BIVM: variants seen among roughly 807,000 people sequenced by gnomAD.
BIVM encodes basic immunoglobulin-like variable motif-containing protein.
A neutral mutation model predicts 61.4 loss-of-function variants in BIVM; 31 were observed. The ratio of observed to expected loss-of-function variants is 0.51; its 90% confidence interval spans 0.38 to 0.68. The LOEUF (loss-of-function observed/expected upper bound fraction) is 0.68. Among genes scored for constraint, BIVM ranks in the 30% least tolerant of loss-of-function variants. The pLI is 0.00. For synonymous variants in BIVM, 189 were observed against 210.7 expected (o/e 0.90, Z 0.89); for missense variants, 526 against 596.0 (o/e 0.88, Z 1.22).
At chr13:102,819,433 G>A (rs1050020876) in intron 4 of BIVM, among the ~76,000 whole-genome samples, 27 of 152,290 alleles carry the variant, frequency 1.8e-4, no homozygotes, top group African/African-American at 6.5e-4. Context: ...TGACAGTAAG[G>A]TGTTGAAGAC....
intron 9 of BIVM, among the ~76,000 whole-genome samples, chr13:102,838,190 A>T (rs1400270468): frequency 6.6e-6 from 1 of 152,228 alleles, no homozygotes; most frequent in Non-Finnish European, 1.5e-5. Context: ...TGATTTTCCT[A>T]TGTAGACCTT....
chr13:102,823,146 T>A (rs9582635), intron 7 of BIVM, among the ~76,000 whole-genome samples: 6 of 152,040 alleles, frequency 3.9e-5, no homozygotes, highest in Admixed American at 6.6e-5. Context: ...ATGCTAAAAC[T>A]GGACACAGAA....
rs1881728155 is a variant in BIVM, at chr13:102,840,071, T to C, written c.*206T>C. The C allele has an allele frequency of 4.1e-6, 2 of 482,532 alleles. No individual in the cohort carries two copies. Among genetic ancestry groups the C allele is most frequent in the Non-Finnish European group, 7.0e-6 (2 of 284,020 alleles). The allele number at this position is 482,532 out of a possible 1,614,324, so 29.9% of individuals were successfully genotyped here. On this transcript the variant is annotated 3_prime_UTR_variant, in exon 11 of 11. Coordinates refer to ENST00000257336, the MANE Select transcript of BIVM (RefSeq NM_017693.4). ...TATATAAGCAGATAAGCACAGATTA[T>C]TGTCCTTTCAAGTTAAGAGTATATA...
intron 4 of BIVM, 122 bp downstream of exon 4, chr13:102,816,676 T>G: frequency 1.1e-6 from 1 of 938,522 alleles, no homozygotes; most frequent in Non-Finnish European, 1.4e-6. Flanking sequence ...CTAAAATTAT[T>G]ACCAGGATTT....
At chr13:102,838,763 G>C in intron 10 of BIVM, 24 bp downstream of exon 10, 1 of 1,600,926 alleles carries the variant, frequency 6.2e-7, no homozygotes, top group Non-Finnish European at 8.5e-7. Flanking sequence ...CATTGTGTTT[G>C]AAGGCATTTC....
At chr13:102,823,730 C>T (rs1008954092) in intron 7 of BIVM, among the ~76,000 whole-genome samples, 1 of 152,030 alleles carries the variant, frequency 6.6e-6, no homozygotes, top group African/African-American at 2.4e-5. Context: ...TTTTATACTG[C>T]CTATTGAGTT....
chr13:102,817,217 A>G (rs1004131083), intron 4 of BIVM, among the ~76,000 whole-genome samples: 2 of 152,220 alleles, frequency 1.3e-5, no homozygotes, highest in Non-Finnish European at 2.9e-5. Context: ...GACTTATTGA[A>G]GAGACTTGGC....
chr13:102,824,158 T>A (rs979172785), intron 7 of BIVM, among the ~76,000 whole-genome samples: 7 of 152,180 alleles, frequency 4.6e-5, no homozygotes, highest in Non-Finnish European at 4.4e-5. Flanking sequence ...CCAATGACAT[T>A]TTGCACCCTG....
chr13:102,821,584 A>G (rs1880288281), intron 5 of BIVM, among the ~76,000 whole-genome samples, 159 bp from the exon 6 acceptor site: 1 of 152,234 alleles, frequency 6.6e-6, no homozygotes, highest in South Asian at 2.1e-4. Flanking sequence ...CCTGGGCCAC[A>G]GAGTGAGAAC....
intron 9 of BIVM, 70 bp from the exon 10 acceptor site, chr13:102,838,573 G>A: frequency 7.4e-7 from 1 of 1,352,484 alleles, no homozygotes; most frequent in Non-Finnish European, 1.0e-6. Context: ...ACTTGCTCAT[G>A]AAAAATTCCA....
rs1878593769 is a variant in BIVM at position 102,799,497 on chromosome 13, C to G, written c.-231C>G. 6.6e-6 allele frequency: 1 copy of G among 152,202 alleles called. No individual in the cohort carries two copies. Among genetic ancestry groups the G allele is most frequent in the African/African-American group, 2.4e-5 (1 of 41,460 alleles). 9.4% of individuals were successfully genotyped at this position (152,202 alleles called of 1,614,324 possible). On this transcript the variant is annotated 5_prime_UTR_variant, in exon 1 of 11. Transcript: ENST00000257336. ...CCGGGTTCCGCCGCGGCCGCAGCGACCCGACCCCACCCGACAGGCCAGAGG... is the reference window on the plus strand; with the variant it reads ...CCGGGTTCCGCCGCGGCCGCAGCGAGCCGACCCCACCCGACAGGCCAGAGG...
intron 7 of BIVM, among the ~76,000 whole-genome samples, chr13:102,830,247 C>T (rs747654592): frequency 4.6e-5 from 7 of 152,106 alleles, no homozygotes; most frequent in African/African-American, 7.2e-5. Flanking sequence ...CTTGAGGGAC[C>T]GTGCATCACT....
chr13:102,813,179 C>G (rs763549886), intron 3 of BIVM, among the ~76,000 whole-genome samples: 3 of 152,168 alleles, frequency 2.0e-5, no homozygotes, highest in South Asian at 2.1e-4. Context: ...GCCTCCTACA[C>G]TGCACTTAAT....
At chr13:102,838,442 C>T (rs746138103) in intron 9 of BIVM, among the ~76,000 whole-genome samples, 3 of 152,268 alleles carry the variant, frequency 2.0e-5, no homozygotes, top group East Asian at 3.9e-4. Context: ...ACACTGAAAA[C>T]CTTGGCAACG....
chr13:102,838,814 G>C, intron 10 of BIVM, 75 bp downstream of exon 10: 1 of 1,388,210 alleles, frequency 7.2e-7, no homozygotes, highest in Non-Finnish European at 9.9e-7. Context: ...GCACTCTTTA[G>C]GTTGCAAGTA....
At chr13:102,827,479 G>A (rs751794715) in intron 7 of BIVM, among the ~76,000 whole-genome samples, 25 of 150,966 alleles carry the variant, frequency 1.7e-4, no homozygotes, top group African/African-American at 4.4e-4. Context: ...CAGAATATTC[G>A]ACTTTTTACT....
At chr13:102,827,337 T>C (rs1005742799) in intron 7 of BIVM, among the ~76,000 whole-genome samples, 11 of 152,012 alleles carry the variant, frequency 7.2e-5, no homozygotes, top group African/African-American at 2.7e-4. Flanking sequence ...AACTTTTCAT[T>C]GAGGAATGGG....
chr13:102,806,439 G>A (rs1254480368), intron 2 of BIVM, among the ~76,000 whole-genome samples: 1 of 151,848 alleles, frequency 6.6e-6, no homozygotes, highest in Non-Finnish European at 1.5e-5. Context: ...TAGAAGGGAC[G>A]GGGTTTCACC....
Position 102,839,910 on chromosome 13 carries a change from T to C in BIVM, c.*45T>C, listed in dbSNP as rs755279554. 1.3e-5 allele frequency: 20 copies of C among 1,549,724 alleles called. 1 individual carries two copies. The South Asian group carries it at 2.3e-4, about 18-fold the overall frequency. On this transcript the variant is annotated 3_prime_UTR_variant, in exon 11 of 11. Transcript: ENST00000257336. ...GCTGGCATTATATATGAAACTGCTA[T>C]ATACAGGACTGTATAAAGACAGTAG...
Sources: gnomAD v4.1 joint callset for allele counts (sites outside exome capture counted in the v4.1 genomes callset) on GRCh38, gnomAD v4.1.1 for gene constraint, MANE v1.5 for transcripts, NCBI Gene and HGNC (gene_info 2026-07-23, HGNC 2026-07-21) for gene names.